The following AKT2 variants were observed in gnomAD, a reference collection of about 807,000 sequenced individuals.
AKT2 encodes the protein AKT serine/threonine kinase 2.
AKT2 carries 16 observed loss-of-function variants against 58.6 expected under a neutral mutation model. That is an observed-to-expected ratio of 0.27 (90% confidence interval 0.18 to 0.41). The LOEUF (loss-of-function observed/expected upper bound fraction) is 0.41, where lower values mean the gene tolerates loss of function less well. Ranked by LOEUF, AKT2 falls within the 10% of genes least tolerant of loss-of-function variation. The pLI, the probability that AKT2 is intolerant of heterozygous loss-of-function variation, is 1.00. For missense variants in AKT2, 438 were observed against 661.0 expected (o/e 0.66, Z 3.70); for synonymous variants, 253 against 254.0 (o/e 1.00, Z 0.04).
rs904065817 is a variant in AKT2, at chr19:40,232,876, G to T, written c.*996C>A. 4 of 236,292 alleles carry T rather than the reference G, an allele frequency of 1.7e-5. No homozygotes were observed. In the South Asian group the frequency reaches 6.7e-4, roughly 40 times the overall value. 14.6% of individuals were successfully genotyped at this position (236,292 alleles called of 1,614,324 possible). On this transcript the variant is annotated 3_prime_UTR_variant, in exon 14 of 14. Transcript: ENST00000392038. ...GCCCTGGGGAGAGGGAGGGGTGAGG[G>T]GGGCCTAGGAGCCTCCCTTTTCAGA... is the stretch of plus-strand genomic sequence containing the variant.
At chr19:40,271,626 A>C (rs938146479) in intron 1 of AKT2, among the ~76,000 whole-genome samples, 1 of 152,110 alleles carries the variant, frequency 6.6e-6, no homozygotes, top group Non-Finnish European at 1.5e-5. Context: ...TAAAACTCAT[A>C]AAGTGGAAAA....
chr19:40,240,808 T>C (rs1415493532), intron 6 of AKT2: 1 of 170,962 alleles, frequency 5.8e-6, no homozygotes, highest in Non-Finnish European at 1.2e-5. Flanking sequence ...TTTTTTTAGC[T>C]GGGGGTCTGG....
rs765768303 is a variant in AKT2, at chr19:40,255,230, G to C, written c.215C>G (p.Thr72Ser). Residue 72 changes from threonine (T) to serine (S), a missense_variant, in exon 4 of 14, where the codon ACC (threonine) becomes AGC (serine). By Grantham distance (58) the Thr-to-Ser change is moderately conservative. Coordinates refer to ENST00000392038, the MANE Select transcript of AKT2 (RefSeq NM_001626.6). ...CCACTGCAGGCAGCGTATGACAAAG[G>C]TGTTGGGTCGCGGCCTCTCGGTCTT... ...LMKTERPRPN[T>S]FVIRCLQWTT... The C allele has an allele frequency of 6.2e-7, 1 of 1,614,154 alleles. No homozygotes were observed. The highest frequency in any genetic ancestry group is 8.5e-7 in the Non-Finnish European group (1 of 1,179,974).
intron 1 of AKT2, among the ~76,000 whole-genome samples, chr19:40,277,821 C>T (rs73933237): frequency 0.11 from 17,168 of 152,146 alleles, 1,393 homozygotes; most frequent in African/African-American, 0.23. Context: ...CACCTCCGAT[C>T]GCATCCAGAA....
At position 40,238,554 on chromosome 19, in the gene AKT2, C is replaced by T. The variant is rs959760655; in HGVS notation, c.708+351G>A. Among the ~76,000 whole-genome samples the T allele has an allele frequency of 6.6e-6, 1 of 152,154 alleles. No individual in the cohort carries two copies. Among genetic ancestry groups the T allele is most frequent in the Non-Finnish European group, 1.5e-5 (1 of 68,028 alleles). On this transcript the variant is annotated intron_variant, in intron 8 of 13. Coordinates refer to ENST00000392038, the MANE Select transcript of AKT2 (RefSeq NM_001626.6). The surrounding 1 kb of genome is among the most constrained non-coding windows in gnomAD (Gnocchi z 5.1). ...TGCGGGAATTCACTTCGAGAGGACACGGGAACGGAGGGCTGCTAGGTTTTA... is the reference window on the plus strand; with the variant it reads ...TGCGGGAATTCACTTCGAGAGGACATGGGAACGGAGGGCTGCTAGGTTTTA...
rs1171991030 is a variant in AKT2 at position 40,256,047 on chromosome 19, C to A, written c.176-778G>T. Among the ~76,000 whole-genome samples, 5 of 152,114 alleles carry A rather than the reference C, an allele frequency of 3.3e-5. No individual in the cohort carries two copies. In the East Asian group the frequency reaches 9.7e-4, roughly 29 times the overall value. On this transcript the variant is annotated intron_variant, in intron 3 of 13. Transcript: ENST00000392038. ...CCCTGAGACAGAGACAGGAATAGAG[C>A]TGGGAGAGGCCTGAAGGTCAGGTTG... is the stretch of plus-strand genomic sequence containing the variant.
intron 1 of AKT2, among the ~76,000 whole-genome samples, chr19:40,267,257 C>T (rs1197988370): frequency 3.3e-5 from 5 of 152,184 alleles, no homozygotes; most frequent in Non-Finnish European, 7.3e-5. Flanking sequence ...GGATCCAAGG[C>T]CCTTCAGGAC....
chr19:40,280,280 G>A (rs1600119450), intron 1 of AKT2, among the ~76,000 whole-genome samples: 1 of 152,162 alleles, frequency 6.6e-6, no homozygotes, highest in East Asian at 1.9e-4. Flanking sequence ...AATGGGCAGA[G>A]AAATCAGCCC....
In AKT2 at chr19:40,233,346, A is replaced by G. The variant is rs1459325393; in HGVS notation, c.*526T>C. 2.5e-5 allele frequency: 10 copies of G among 403,622 alleles called. No individual in the cohort carries two copies. Among genetic ancestry groups the G allele is most frequent in the African/African-American group, 4.0e-5 (2 of 49,852 alleles). The allele number at this position is 403,622 out of a possible 1,614,324, so 25.0% of individuals were successfully genotyped here. On this transcript the variant is annotated 3_prime_UTR_variant, in exon 14 of 14. Coordinates refer to ENST00000392038, the MANE Select transcript of AKT2 (RefSeq NM_001626.6). The surrounding 1 kb of genome is among the most constrained non-coding windows in gnomAD (Gnocchi z 4.3). ...CAAGGGCCCCTGCCTGCCCCTGGAC[A>G]TTATTGCTTTTCTGCCCCCATAGGG... is the stretch of plus-strand genomic sequence containing the variant.
chr19:40,240,443 A>T (rs1974325764), intron 6 of AKT2: 1 of 527,004 alleles, frequency 1.9e-6, no homozygotes, highest in Admixed American at 2.6e-5. Context: ...GGCTGTGGGA[A>T]GTCCCACCTA....
At chr19:40,247,109 T>C (rs943622299) in intron 4 of AKT2, among the ~76,000 whole-genome samples, 1 of 152,190 alleles carries the variant, frequency 6.6e-6, no homozygotes, top group Non-Finnish European at 1.5e-5. Context: ...CAATTCTAAC[T>C]GGACCAAAGT....
intron 1 of AKT2, chr19:40,282,544 G>A: frequency 1.9e-6 from 1 of 532,474 alleles, no homozygotes; most frequent in South Asian, 1.4e-5. Flanking sequence ...CTGAGGCTCA[G>A]GGGTAAGAGG....
chr19:40,272,131 T>G (rs946803262), intron 1 of AKT2, among the ~76,000 whole-genome samples: 30 of 152,248 alleles, frequency 2.0e-4, no homozygotes, highest in Admixed American at 1.2e-3. Context: ...ACTGTTTCTA[T>G]GACAATGAGG....
At chr19:40,243,209 C>T (rs1974521640) in intron 4 of AKT2, 1 of 159,898 alleles carries the variant, frequency 6.3e-6, no homozygotes, top group Non-Finnish European at 1.4e-5. Flanking sequence ...GCCTGAGGGC[C>T]ATTTGAAGCC....
In AKT2 at chr19:40,234,037, C is replaced by T; in HGVS notation, c.1367-86G>A. On this transcript the variant is annotated intron_variant, in intron 13 of 13. Coordinates refer to ENST00000392038, the MANE Select transcript of AKT2 (RefSeq NM_001626.6). This position sits in a 1 kb window ranked among gnomAD's most constrained non-coding sequence, Gnocchi z 4.7. ...AGACTCCCTGGGGAAACGGCCCCAG[C>T]TGGCGGGGGCTGCCCACAGGACAGG... The T allele has an allele frequency of 7.3e-7, 1 of 1,371,086 alleles. No homozygotes were observed. Among genetic ancestry groups the T allele is most frequent in the Non-Finnish European group, 1.0e-6 (1 of 994,746 alleles). The allele number at this position is 1,371,086 out of a possible 1,614,324, so 84.9% of individuals were successfully genotyped here.
intron 6 of AKT2, 124 bp downstream of exon 6, chr19:40,241,814 G>A: frequency 7.0e-7 from 1 of 1,437,318 alleles, no homozygotes; most frequent in Non-Finnish European, 9.5e-7. Context: ...TCTGACTAGG[G>A]GGAATTTGTG....
Position 40,245,896 on chromosome 19 carries a change from C to T in AKT2, c.288-3209G>A, listed in dbSNP as rs772216487. ...TCCAAGTGGCCCCAGGGCCAGGGCG[C>T]AGCAGGGCCCAGTGCAGACCCGGGC... On this transcript the variant is annotated intron_variant, in intron 4 of 13. Transcript: ENST00000392038. 5.7e-4 allele frequency among the ~76,000 whole-genome samples: 86 copies of T among 152,130 alleles called. 1 individual carries two copies. Among genetic ancestry groups the T allele is most frequent in the Admixed American group, 6.5e-4 (10 of 15,286 alleles).
At chr19:40,247,525 CGA>C (rs1974830223) in intron 4 of AKT2, among the ~76,000 whole-genome samples, 1 of 152,268 alleles carries the variant, frequency 6.6e-6, no homozygotes, top group Admixed American at 6.5e-5. Flanking sequence ...GAAAGCTACA[CGA>C]GACTCAGGAG....
At position 40,265,311 on chromosome 19, in the gene AKT2, G is replaced by A. The variant is rs1456204558; in HGVS notation, c.-44C>T. On this transcript the variant is annotated 5_prime_UTR_variant, in exon 2 of 14. Transcript: ENST00000392038. Reference sequence around the variant, plus strand: ...TGTCACCTAGCTCGGGACAGCTCAGGGCAGCAGGACATGCAGGAGGCACCG... The same window carrying A: ...TGTCACCTAGCTCGGGACAGCTCAGAGCAGCAGGACATGCAGGAGGCACCG... The A allele has an allele frequency of 6.2e-7, 1 of 1,605,638 alleles. No homozygotes were observed. The highest frequency in any genetic ancestry group is 2.2e-5 in the East Asian group (1 of 44,782).
Sources: gnomAD v4.1 joint callset for allele counts (sites outside exome capture counted in the v4.1 genomes callset) on GRCh38, gnomAD v4.1.1 for gene constraint, Gnocchi (gnomAD v3.1) non-coding constraint, MANE v1.5 for transcripts, NCBI Gene and HGNC (gene_info 2026-07-23, HGNC 2026-07-21) for gene names.